NRCAM: variants seen among roughly 807,000 people sequenced by gnomAD.
NRCAM encodes the protein neuronal cell adhesion molecule.
NRCAM carries 83 observed loss-of-function variants against 156.5 expected under a neutral mutation model. The ratio of observed to expected loss-of-function variants is 0.53; its 90% confidence interval spans 0.44 to 0.64. NRCAM has a LOEUF of 0.64. Ranked by LOEUF, NRCAM falls within the 30% of genes least tolerant of loss-of-function variation. NRCAM has a pLI of 0.00. For missense variants in NRCAM, 1,417 were observed against 1,597.3 expected, an observed-to-expected ratio of 0.89 and a Z score of 1.92; for synonymous variants, 538 against 563.9, an observed-to-expected ratio of 0.95 and a Z score of 0.65.
At chr7:108,318,208 G>A (rs1046567930) in intron 2 of NRCAM, among the ~76,000 whole-genome samples, 53 of 151,674 alleles carry the variant, frequency 3.5e-4, no homozygotes, top group African/African-American at 1.3e-3. Flanking sequence ...ACCATGCCCG[G>A]CTAATTTTTT....
At chr7:108,408,797 C>T (rs940400180) in intron 1 of NRCAM, among the ~76,000 whole-genome samples, 6 of 152,206 alleles carry the variant, frequency 3.9e-5, no homozygotes, top group African/African-American at 9.7e-5. Context: ...TGAGCACTCC[C>T]TGAAAGGGAT....
chr7:108,196,666 C>T (rs1037972813), intron 14 of NRCAM, among the ~76,000 whole-genome samples: 1 of 151,888 alleles, frequency 6.6e-6, no homozygotes, highest in Non-Finnish European at 1.5e-5. Context: ...TGGCTATTAT[C>T]AAAAAGAGGA....
intron 2 of NRCAM, among the ~76,000 whole-genome samples, chr7:108,335,095 G>T (rs1285102036): frequency 6.6e-6 from 1 of 152,084 alleles, no homozygotes; most frequent in African/African-American, 2.4e-5. Context: ...GACACTGAAG[G>T]TCAGAGAAGT....
intron 28 of NRCAM, among the ~76,000 whole-genome samples, chr7:108,174,030 G>A (rs2059539896): frequency 6.6e-6 from 1 of 152,088 alleles, no homozygotes; most frequent in Admixed American, 6.5e-5. Flanking sequence ...ACAAGGCCAG[G>A]CTTTTAGTGA....
At chr7:108,255,324 G>A (rs2096582169) in intron 3 of NRCAM, among the ~76,000 whole-genome samples, 1 of 152,190 alleles carries the variant, frequency 6.6e-6, no homozygotes, top group African/African-American at 2.4e-5. Context: ...GCGCCGCCAC[G>A]CCTGACTCGT....
rs915645849 is a variant in NRCAM at position 108,189,591 on chromosome 7, G to A, written c.2035+54C>T. ...GAAATTCAGCTGACTGTTACAAAGT[G>A]CTTCAAACATGGCCATTTAGTTGAT... On this transcript the variant is annotated intron_variant, in intron 20 of 32. Coordinates refer to ENST00000379028, the MANE Select transcript of NRCAM (RefSeq NM_001037132.4). 5 of 775,074 alleles carry A rather than the reference G, an allele frequency of 6.5e-6. No individual in the cohort carries two copies. In the African/African-American group the frequency reaches 8.6e-5, roughly 13 times the overall value. 48.0% of individuals were successfully genotyped at this position (775,074 alleles called of 1,614,324 possible). A position where few individuals can be genotyped will look rare whatever the true frequency, so the allele number is the denominator to read the frequency against.
chr7:108,294,846 C>T (rs2098420739), intron 3 of NRCAM, among the ~76,000 whole-genome samples: 1 of 150,740 alleles, frequency 6.6e-6, no homozygotes, highest in South Asian at 2.1e-4. Flanking sequence ...CTTCCTGCCC[C>T]GCAGCCATCT....
chr7:108,455,652 G>T (rs1233515864), intron 1 of NRCAM, among the ~76,000 whole-genome samples: 2 of 152,184 alleles, frequency 1.3e-5, no homozygotes, highest in African/African-American at 4.8e-5. Context: ...AAGCGAAGTC[G>T]GCCTCGCCCC....
chr7:108,178,220 CTCAT>C (rs2061695139), intron 25 of NRCAM, 108 bp from the exon 26 acceptor site: 7 of 1,125,276 alleles, frequency 6.2e-6, no homozygotes, highest in Non-Finnish European at 8.8e-6. Flanking sequence ...GTTTCAGTAA[CTCAT>C]TCCTGATTCA....
At chr7:108,167,101 T>C in intron 29 of NRCAM, 28 bp from the exon 30 acceptor site, 2 of 1,587,918 alleles carry the variant, frequency 1.3e-6, no homozygotes, top group South Asian at 1.1e-5. Flanking sequence ...AAACAACACA[T>C]TTGAATATTT....
intron 3 of NRCAM, among the ~76,000 whole-genome samples, chr7:108,292,147 C>T (rs990154628): frequency 6.6e-6 from 1 of 152,134 alleles, no homozygotes; most frequent in Non-Finnish European, 1.5e-5. Flanking sequence ...TAAAATGGTA[C>T]CAACTAATTT....
chr7:108,159,266 CAA>C (rs1328752863), intron 32 of NRCAM, 195 bp downstream of exon 32: 1 of 726,180 alleles, frequency 1.4e-6, no homozygotes, highest in African/African-American at 1.7e-5. Context: ...TGACTAAAAT[CAA>C]AATTTAGTTT....
chr7:108,265,135 G>A (rs1343245173), intron 3 of NRCAM, among the ~76,000 whole-genome samples: 1 of 152,184 alleles, frequency 6.6e-6, no homozygotes, highest in Non-Finnish European at 1.5e-5. Flanking sequence ...TTGGGAGACA[G>A]AATCACATTT....
At chr7:108,428,178 G>A (rs1213434172) in intron 1 of NRCAM, among the ~76,000 whole-genome samples, 1 of 152,058 alleles carries the variant, frequency 6.6e-6, no homozygotes, top group Admixed American at 6.5e-5. Context: ...ACAACACCAT[G>A]CTATTTATTA....
chr7:108,345,668 G>A (rs778688473), intron 2 of NRCAM, among the ~76,000 whole-genome samples: 1 of 152,192 alleles, frequency 6.6e-6, no homozygotes, highest in African/African-American at 2.4e-5. Context: ...TGAGGATACA[G>A]CAAGCTGGCC....
chr7:108,429,185 G>C (rs748099576), intron 1 of NRCAM, among the ~76,000 whole-genome samples: 1 of 151,914 alleles, frequency 6.6e-6, no homozygotes, highest in Non-Finnish European at 1.5e-5. Context: ...TTTTAAACTG[G>C]GTGTTTCTTT....
chr7:108,209,052 C>T (rs566490745), intron 12 of NRCAM, among the ~76,000 whole-genome samples: 20 of 152,248 alleles, frequency 1.3e-4, no homozygotes, highest in Admixed American at 3.3e-4. Flanking sequence ...TTAATTTCTG[C>T]GGGATAGAAA....
chr7:108,296,301 C>A (rs2098453143), intron 3 of NRCAM, among the ~76,000 whole-genome samples: 1 of 152,122 alleles, frequency 6.6e-6, no homozygotes, highest in South Asian at 2.1e-4. Context: ...TGGCCTTTAC[C>A]CCTCTCCTCA....
intron 2 of NRCAM, among the ~76,000 whole-genome samples, chr7:108,387,539 T>C (rs1053718759): frequency 2.8e-4 from 43 of 152,108 alleles, no homozygotes; most frequent in Non-Finnish European, 7.4e-5. Flanking sequence ...ATTTTTATCC[T>C]AGTTTTTTTA....
Sources: gnomAD v4.1 joint callset for allele counts (sites outside exome capture counted in the v4.1 genomes callset) on GRCh38, gnomAD v4.1.1 for gene constraint, MANE v1.5 for transcripts, NCBI Gene and HGNC (gene_info 2026-07-23, HGNC 2026-07-21) for gene names.